EIF4H: variants seen among roughly 807,000 people sequenced by gnomAD.
EIF4H encodes the protein Williams-Beuren syndrome chromosome region 1.
In EIF4H, 8 loss-of-function variants were observed where a neutral mutation model predicts 30.6. That is an observed-to-expected ratio of 0.26 (90% CI 0.15 to 0.47). The LOEUF (loss-of-function observed/expected upper bound fraction) is 0.47. EIF4H is among the 20% of genes least tolerant of loss of function. The pLI is 0.99. For synonymous variants in EIF4H, 106 were observed against 122.7 expected, an observed-to-expected ratio of 0.86 and a Z score of 0.90; for missense variants, 188 against 339.5, an observed-to-expected ratio of 0.55 and a Z score of 3.51.
intron 1 of EIF4H, among the ~76,000 whole-genome samples, chr7:74,176,118 C>G (rs1303157280): frequency 1.3e-5 from 2 of 152,146 alleles, no homozygotes; most frequent in Non-Finnish European, 2.9e-5. Context: ...CTATGTCTCA[C>G]TTACTTGGAA....
intron 5 of EIF4H, chr7:74,191,272 GTC>G (rs782545428): frequency 1.9e-6 from 1 of 533,504 alleles, no homozygotes; most frequent in Non-Finnish European, 3.8e-6. Flanking sequence ...GTATAAGCTA[GTC>G]TCTGATTGAA....
At chr7:74,179,463 C>T (rs1193964540) in intron 1 of EIF4H, among the ~76,000 whole-genome samples, 1 of 152,030 alleles carries the variant, frequency 6.6e-6, no homozygotes, top group Non-Finnish European at 1.5e-5. Flanking sequence ...AAAGCCCCAT[C>T]TCTACTAAAA....
At chr7:74,187,581 C>T (rs371654694) in intron 1 of EIF4H, 30 bp from the exon 2 acceptor site, 2 of 1,523,978 alleles carry the variant, frequency 1.3e-6, no homozygotes, top group Admixed American at 2.0e-5. Flanking sequence ...ACTCTGGGCA[C>T]ACTTGAATCC....
At chr7:74,180,088 T>G (rs1800925393) in intron 1 of EIF4H, among the ~76,000 whole-genome samples, 1 of 152,100 alleles carries the variant, frequency 6.6e-6, no homozygotes, top group South Asian at 2.1e-4. Flanking sequence ...TCCCACCTAC[T>G]TGGGAGGCTG....
intron 5 of EIF4H, among the ~76,000 whole-genome samples, chr7:74,194,156 C>G (rs1398472367): frequency 6.6e-6 from 1 of 152,206 alleles, no homozygotes; most frequent in African/African-American, 2.4e-5. Flanking sequence ...TCTGCTCATG[C>G]CCCTCTGTGT....
At chr7:74,183,461 T>C (rs143265907) in intron 1 of EIF4H, among the ~76,000 whole-genome samples, 18 of 152,344 alleles carry the variant, frequency 1.2e-4, no homozygotes, top group East Asian at 9.6e-4. Context: ...TTTAAACTTA[T>C]AAAATCAAGA....
chr7:74,193,272 T>G (rs2115995769), intron 5 of EIF4H, among the ~76,000 whole-genome samples: 1 of 152,300 alleles, frequency 6.6e-6, no homozygotes, highest in South Asian at 2.1e-4. Context: ...ACTTGACAGC[T>G]AATAACTGAA....
At chr7:74,191,384 A>G in intron 5 of EIF4H, 1 of 464,732 alleles carries the variant, frequency 2.2e-6, no homozygotes, top group Non-Finnish European at 4.4e-6. Context: ...TTGCCCACAT[A>G]CTAACGTCTT....
intron 1 of EIF4H, among the ~76,000 whole-genome samples, chr7:74,182,595 T>C (rs971398071): frequency 6.6e-6 from 1 of 152,214 alleles, no homozygotes; most frequent in African/African-American, 2.4e-5. Context: ...ATGTGTCTCA[T>C]AATTTGGAGG....
In EIF4H at chr7:74,197,016, T is replaced by C. The variant is rs1801368671; in HGVS notation, c.*1708T>C. On this transcript the variant is annotated 3_prime_UTR_variant, in exon 7 of 7. Coordinates refer to ENST00000265753, the MANE Select transcript of EIF4H (RefSeq NM_022170.2). ...ATGGAATTCCAAACACTTAACACAT[T>C]CAGCTATATGACAGAAAGTAAATCT... is the stretch of plus-strand genomic sequence containing the variant. 1 of 152,490 alleles carries C rather than the reference T, an allele frequency of 6.6e-6. No individual in the cohort carries two copies. The highest frequency in any genetic ancestry group is 2.4e-5 in the African/African-American group (1 of 41,416). 9.4% of individuals were successfully genotyped at this position (152,490 alleles called of 1,614,324 possible).
chr7:74,192,214 AC>A (rs1801237220), intron 5 of EIF4H, among the ~76,000 whole-genome samples: 1 of 152,296 alleles, frequency 6.6e-6, no homozygotes, highest in African/African-American at 2.4e-5. Context: ...CTTTGTACTC[AC>A]GTGGAAAGGT....
chr7:74,176,578 A>G (rs1554707711), intron 1 of EIF4H, among the ~76,000 whole-genome samples: 1 of 152,182 alleles, frequency 6.6e-6, no homozygotes, highest in East Asian at 1.9e-4. Context: ...TCACCTCTGA[A>G]TTACTTGGGT....
At chr7:74,188,543 G>A (rs1554709475) in intron 2 of EIF4H, among the ~76,000 whole-genome samples, 11 of 152,216 alleles carry the variant, frequency 7.2e-5, no homozygotes, top group Non-Finnish European at 1.6e-4. Flanking sequence ...GGGTGGTTTT[G>A]TGTGTCGGTG....
intron 5 of EIF4H, among the ~76,000 whole-genome samples, chr7:74,193,116 A>G (rs548048498): frequency 3.3e-5 from 5 of 152,222 alleles, no homozygotes; most frequent in East Asian, 1.9e-4. Context: ...CTCATCCCAC[A>G]CCGGTTTTGT....
intron 1 of EIF4H, among the ~76,000 whole-genome samples, chr7:74,182,930 A>G (rs1365973566): frequency 5.3e-5 from 8 of 152,128 alleles, no homozygotes; most frequent in African/African-American, 1.7e-4. Flanking sequence ...CTGGCTCCCA[A>G]CTGCTCCACC....
intron 5 of EIF4H, chr7:74,191,282 G>C (rs782645719): frequency 3.8e-6 from 2 of 533,018 alleles, no homozygotes; most frequent in African/African-American, 3.9e-5. Flanking sequence ...GTCTCTGATT[G>C]AAACATGCAG....
chr7:74,187,920 G>T, intron 2 of EIF4H, 122 bp downstream of exon 2: 1 of 1,207,894 alleles, frequency 8.3e-7, no homozygotes. Flanking sequence ...TTAAACATTT[G>T]CCTGGTCTAA....
chr7:74,191,360 A>C (rs1678206951), intron 5 of EIF4H: 1 of 500,906 alleles, frequency 2.0e-6, no homozygotes, highest in African/African-American at 2.0e-5. Flanking sequence ...TGGTATTCGC[A>C]GGTGTTATAG....
chr7:74,195,040 C>G (rs1298159673), intron 6 of EIF4H, 129 bp from the exon 7 acceptor site: 22 of 1,521,716 alleles, frequency 1.4e-5, no homozygotes, highest in Non-Finnish European at 1.9e-5. Flanking sequence ...AGAGCATCTG[C>G]TGTTGGGGTA....
Sources: allele counts gnomAD v4.1 joint callset (sites outside exome capture counted in the v4.1 genomes callset), GRCh38; gene constraint gnomAD v4.1.1; transcripts MANE v1.5; gene names NCBI Gene and HGNC (gene_info 2026-07-23, HGNC 2026-07-21).